RIPOR2: variants seen among roughly 807,000 people sequenced by gnomAD.
RIPOR2 encodes the protein RHO family interacting cell polarization regulator 2.
A neutral mutation model predicts 114.5 loss-of-function variants in RIPOR2; 39 were observed. The ratio of observed to expected loss-of-function variants is 0.34; its 90% CI spans 0.26 to 0.44. RIPOR2 has a LOEUF of 0.44. RIPOR2 is among the 20% of genes least tolerant of loss of function. The probability of loss-of-function intolerance (pLI) is 1.00; values close to 1 mark genes in which losing one functional copy is unlikely to be tolerated. For synonymous variants in RIPOR2, 445 were observed against 484.4 expected, an observed-to-expected ratio of 0.92 and a Z score of 1.07; for missense variants, 1,007 against 1,255.1, an observed-to-expected ratio of 0.80 and a Z score of 2.99.
intron 8 of RIPOR2, 23 bp downstream of exon 8, chr6:24,860,950 T>C: frequency 6.7e-7 from 1 of 1,502,236 alleles, no homozygotes; most frequent in Non-Finnish European, 9.2e-7. Flanking sequence ...CTCCTTATTC[T>C]CTCTAAACAA....
At chr6:24,846,457 C>G (rs542579990) in intron 12 of RIPOR2, among the ~76,000 whole-genome samples, 14 of 152,060 alleles carry the variant, frequency 9.2e-5, no homozygotes, top group African/African-American at 2.7e-4. Flanking sequence ...AAGTGTGTAC[C>G]ACCACAACAG....
intron 11 of RIPOR2, among the ~76,000 whole-genome samples, 155 bp downstream of exon 11, chr6:24,849,647 G>A (rs1762658052): frequency 6.6e-6 from 1 of 152,148 alleles, no homozygotes; most frequent in African/African-American, 2.4e-5. Flanking sequence ...TCTGGGGCCT[G>A]AGCAATTCTG....
chr6:24,901,119 A>T (rs1294386241), intron 1 of RIPOR2, among the ~76,000 whole-genome samples: 1 of 152,116 alleles, frequency 6.6e-6, no homozygotes, highest in African/African-American at 2.4e-5. Flanking sequence ...TTTTTACCAT[A>T]TGCAGAATCT....
intron 1 of RIPOR2, chr6:25,023,436 C>T (rs372229215): frequency 1.6e-5 from 12 of 765,002 alleles, no homozygotes; most frequent in South Asian, 1.2e-4. Context: ...CCCTTGAGGA[C>T]GGACACCTGC....
chr6:25,024,079 TG>T, intron 1 of RIPOR2: 1 of 775,276 alleles, frequency 1.3e-6, no homozygotes. Flanking sequence ...GCCCTTTATC[TG>T]GGGGACCAGC....
intron 1 of RIPOR2, among the ~76,000 whole-genome samples, chr6:24,984,990 A>G (rs1206459545): frequency 6.6e-6 from 1 of 152,222 alleles, no homozygotes; most frequent in Non-Finnish European, 1.5e-5. Flanking sequence ...CACCTGCCAA[A>G]TCAACTTAAT....
chr6:24,946,658 A>G (rs73382350), intron 1 of RIPOR2, among the ~76,000 whole-genome samples: 3,244 of 152,274 alleles, frequency 0.021, 61 homozygotes, highest in African/African-American at 0.05. Context: ...CAGGACCTGT[A>G]GGGCAGGGAC....
chr6:25,015,974 G>T (rs1431593198), intron 1 of RIPOR2: 1 of 139,792 alleles, frequency 7.2e-6, no homozygotes, highest in African/African-American at 2.6e-5. Context: ...CATGATCTCG[G>T]CTCACTGCAA....
At chr6:25,024,853 G>A (rs1776530942) in intron 1 of RIPOR2, among the ~76,000 whole-genome samples, 2 of 152,178 alleles carry the variant, frequency 1.3e-5, no homozygotes, top group African/African-American at 4.8e-5. Flanking sequence ...CTTTATGCCT[G>A]TTTTAATCCA....
chr6:25,019,313 C>T (rs1165075896), intron 1 of RIPOR2, among the ~76,000 whole-genome samples: 2 of 152,106 alleles, frequency 1.3e-5, no homozygotes, highest in Admixed American at 6.6e-5. Context: ...GAAATTATTA[C>T]CACTCTCAAG....
intron 1 of RIPOR2, among the ~76,000 whole-genome samples, chr6:24,987,224 G>A (rs1259562583): frequency 6.6e-6 from 1 of 152,214 alleles, no homozygotes; most frequent in Non-Finnish European, 1.5e-5. Flanking sequence ...GTGTGGCTTG[G>A]TGGAAAGAGT....
rs1554124803 is a variant in RIPOR2, at chr6:24,958,958, C to CTTTTTTT, written c.76+82886_76+82892dup. The stretch of plus-strand genomic sequence containing the variant: ...TGCACCACTCCAAGCTCTACATTTT[C>CTTTTTTT]TTTTTTTTTTGGAGACAGGGTCTCA... On this transcript the variant is annotated intron_variant, in intron 1 of 13. Transcript: ENST00000510784. Among the ~76,000 whole-genome samples the CTTTTTTT allele has an allele frequency of 2.5e-3, 304 of 123,186 alleles. 2 individuals carry two copies. Among genetic ancestry groups the CTTTTTTT allele is most frequent in the Middle Eastern group, 8.1e-3 (2 of 246 alleles). 80.8% of individuals were successfully genotyped at this position (123,186 alleles called of 152,430 possible).
intron 1 of RIPOR2, among the ~76,000 whole-genome samples, chr6:25,006,457 C>A (rs1158214079): frequency 6.6e-6 from 1 of 152,194 alleles, no homozygotes; most frequent in Non-Finnish European, 1.5e-5. Flanking sequence ...GCCTTAAAGT[C>A]TCATCTGTCT....
intron 1 of RIPOR2, among the ~76,000 whole-genome samples, chr6:24,999,634 C>A (rs765871752): frequency 4.6e-5 from 7 of 151,346 alleles, no homozygotes; most frequent in Non-Finnish European, 8.8e-5. Context: ...CGGCTCACTG[C>A]AAGCTCCACC....
At chr6:24,909,922 C>A (rs1213062581) in intron 1 of RIPOR2, among the ~76,000 whole-genome samples, 1 of 152,188 alleles carries the variant, frequency 6.6e-6, no homozygotes, top group Non-Finnish European at 1.5e-5. Context: ...CACTTGCTCT[C>A]TCGCTCTCCA....
chr6:24,866,579 G>C (rs1581649116), intron 6 of RIPOR2, among the ~76,000 whole-genome samples: 1 of 142,392 alleles, frequency 7.0e-6, no homozygotes, highest in Non-Finnish European at 1.5e-5. Context: ...GTCTCTAACT[G>C]CTGGGCTCAA....
At chr6:24,938,446 T>C (rs1038452519), upstream of RIPOR2, among the ~76,000 whole-genome samples, 1 of 152,238 alleles carries the variant, frequency 6.6e-6, no homozygotes, top group African/African-American at 2.4e-5. Flanking sequence ...ACCCAGTTTG[T>C]GGTACTTCAT....
At chr6:24,995,159 G>A (rs1040245140) in intron 1 of RIPOR2, among the ~76,000 whole-genome samples, 13 of 152,140 alleles carry the variant, frequency 8.5e-5, no homozygotes, top group African/African-American at 3.1e-4. Flanking sequence ...TTGTGCTAGA[G>A]AGCAGGACCC....
intron 1 of RIPOR2, among the ~76,000 whole-genome samples, chr6:24,978,392 A>G (rs1007279201): frequency 1.3e-5 from 2 of 152,296 alleles, no homozygotes; most frequent in African/African-American, 4.8e-5. Flanking sequence ...TACTGCTCGC[A>G]TGAGTATATA....
Sources: allele counts gnomAD v4.1 joint callset (sites outside exome capture counted in the v4.1 genomes callset), GRCh38; gene constraint gnomAD v4.1.1; transcripts MANE v1.5; gene names NCBI Gene and HGNC (gene_info 2026-07-23, HGNC 2026-07-21).